ARHGAP15: variants seen among roughly 807,000 people sequenced by gnomAD.
ARHGAP15 encodes the protein rho GTPase-activating protein 15.
In ARHGAP15, 51 loss-of-function variants were observed where a neutral mutation model predicts 63.7. The observed-to-expected ratio is 0.80, with a 90% CI of 0.64 to 1.01. ARHGAP15 has a LOEUF of 1.01. Among genes scored for constraint, ARHGAP15 ranks in the 50% least tolerant of loss-of-function variants. ARHGAP15 has a pLI of 0.00. For synonymous variants in ARHGAP15, 191 were observed against 193.8 expected (o/e 0.99, Z 0.12); for missense variants, 560 against 564.6 (o/e 0.99, Z 0.08).
chr2:143,484,462 G>T (rs1303886302), intron 8 of ARHGAP15, among the ~76,000 whole-genome samples: 1 of 152,080 alleles, frequency 6.6e-6, no homozygotes, highest in African/African-American at 2.4e-5. Flanking sequence ...AATTTGGGAA[G>T]TGGAAGTTGC....
chr2:143,130,277 T>C (rs887040951), intron 1 of ARHGAP15, among the ~76,000 whole-genome samples: 17 of 152,144 alleles, frequency 1.1e-4, no homozygotes, highest in African/African-American at 4.1e-4. Context: ...AATTTTCTTT[T>C]ATATTGACTT....
chr2:143,623,158 C>T (rs1052909150), intron 11 of ARHGAP15, among the ~76,000 whole-genome samples: 3 of 152,224 alleles, frequency 2.0e-5, no homozygotes, highest in African/African-American at 7.2e-5. Context: ...TCTGGCTCGA[C>T]AGCAGTGCCT....
At chr2:143,287,073 A>G (rs998291028) in intron 6 of ARHGAP15, among the ~76,000 whole-genome samples, 3 of 152,104 alleles carry the variant, frequency 2.0e-5, no homozygotes, top group African/African-American at 7.2e-5. Context: ...GTTTGACCTG[A>G]GTTTTTGAGA....
intron 13 of ARHGAP15, among the ~76,000 whole-genome samples, chr2:143,741,921 C>T (rs571281798): frequency 6.6e-6 from 1 of 152,188 alleles, no homozygotes; most frequent in South Asian, 2.1e-4. Context: ...ATTTTCCCTT[C>T]TAAGTTATAG....
intron 6 of ARHGAP15, among the ~76,000 whole-genome samples, chr2:143,401,346 C>A (rs991887556): frequency 6.6e-6 from 1 of 151,934 alleles, no homozygotes; most frequent in Non-Finnish European, 1.5e-5. Context: ...ACTTCCAATG[C>A]ATAAAAATCT....
At chr2:143,178,661 G>A (rs1691103792) in intron 2 of ARHGAP15, among the ~76,000 whole-genome samples, 2 of 151,944 alleles carry the variant, frequency 1.3e-5, no homozygotes. Flanking sequence ...GTCTCGCTGT[G>A]TTGCCCTGGC....
intron 2 of ARHGAP15, among the ~76,000 whole-genome samples, chr2:143,184,859 T>C (rs1329357361): frequency 2.6e-5 from 4 of 151,712 alleles, no homozygotes; most frequent in South Asian, 2.1e-4. Context: ...TTTCTTTTTT[T>C]TTTTGTAGAG....
intron 12 of ARHGAP15, among the ~76,000 whole-genome samples, chr2:143,656,474 TTTGA>T (rs1434328262): frequency 6.6e-6 from 1 of 152,112 alleles, no homozygotes; most frequent in Non-Finnish European, 1.5e-5. Context: ...CTGGAACCAA[TTTGA>T]TTGTGTTTTT....
intron 10 of ARHGAP15, among the ~76,000 whole-genome samples, chr2:143,554,883 A>T (rs953646778): frequency 3.3e-5 from 5 of 152,158 alleles, no homozygotes; most frequent in Admixed American, 6.6e-5. Flanking sequence ...GATTTTTACA[A>T]ATATATGTGT....
chr2:143,744,472 A>AT (rs967262575), intron 13 of ARHGAP15, among the ~76,000 whole-genome samples: 1 of 152,164 alleles, frequency 6.6e-6, no homozygotes, highest in South Asian at 2.1e-4. Flanking sequence ...TCAACAAGGG[A>AT]TTTTTTTAAT....
intron 12 of ARHGAP15, among the ~76,000 whole-genome samples, chr2:143,647,149 ATGTTATACT>A (rs1240067786): frequency 1.3e-5 from 2 of 152,062 alleles, no homozygotes; most frequent in African/African-American, 4.8e-5. Context: ...TGTGCCTATC[ATGTTATACT>A]GACTCAAACC....
intron 2 of ARHGAP15, among the ~76,000 whole-genome samples, chr2:143,192,397 T>C (rs934250031): frequency 6.6e-6 from 1 of 152,352 alleles, no homozygotes; most frequent in South Asian, 2.1e-4. Context: ...AACAACACCC[T>C]GAATTCAATC....
At chr2:143,741,246 T>TA (rs1184768147) in intron 13 of ARHGAP15, 1 of 152,134 alleles carries the variant, frequency 6.6e-6, no homozygotes, top group Non-Finnish European at 1.5e-5. Flanking sequence ...ATGAGCAAAA[T>TA]AAAGCTGACC....
At chr2:143,371,660 G>A (rs1445917854) in intron 6 of ARHGAP15, among the ~76,000 whole-genome samples, 1 of 152,098 alleles carries the variant, frequency 6.6e-6, no homozygotes, top group Non-Finnish European at 1.5e-5. Flanking sequence ...TTCGAGGCTA[G>A]CTTGTTCCCC....
chr2:143,365,858 G>A (rs1214721814), intron 6 of ARHGAP15, among the ~76,000 whole-genome samples: 2 of 152,180 alleles, frequency 1.3e-5, no homozygotes, highest in Non-Finnish European at 2.9e-5. Flanking sequence ...CAGAAGGTGT[G>A]TAAAACACCA....
intron 11 of ARHGAP15, among the ~76,000 whole-genome samples, chr2:143,580,711 T>C (rs1397468551): frequency 6.6e-6 from 1 of 152,100 alleles, no homozygotes; most frequent in Non-Finnish European, 1.5e-5. Flanking sequence ...AGTTTTTTGT[T>C]TTCTGTATCA....
chr2:143,509,507 C>T (rs1456779244), intron 9 of ARHGAP15, among the ~76,000 whole-genome samples: 1 of 152,124 alleles, frequency 6.6e-6, no homozygotes, highest in Non-Finnish European at 1.5e-5. Flanking sequence ...TCCTGAAGCA[C>T]TTACAGTATA....
intron 11 of ARHGAP15, among the ~76,000 whole-genome samples, chr2:143,596,046 A>G (rs1697503781): frequency 6.6e-6 from 1 of 152,096 alleles, no homozygotes; most frequent in South Asian, 2.1e-4. Flanking sequence ...ACTTTTCCCC[A>G]AACCACCCTT....
At chr2:143,366,256 T>C (rs1266031277) in intron 6 of ARHGAP15, among the ~76,000 whole-genome samples, 1 of 152,146 alleles carries the variant, frequency 6.6e-6, no homozygotes, top group Non-Finnish European at 1.5e-5. Flanking sequence ...GAATCACTTT[T>C]TTTGGATGAT....
Sources: gnomAD v4.1 joint callset for allele counts (sites outside exome capture counted in the v4.1 genomes callset) on GRCh38, gnomAD v4.1.1 for gene constraint, MANE v1.5 for transcripts, NCBI Gene and HGNC (gene_info 2026-07-23, HGNC 2026-07-21) for gene names.